The following ANAPC13 variants were observed in gnomAD, a reference collection of about 807,000 sequenced individuals.
The protein encoded by ANAPC13 is anaphase-promoting complex subunit 13.
ANAPC13 carries 9 observed loss-of-function variants against 9.6 expected under a neutral mutation model. The observed-to-expected ratio is 0.94, with a 90% CI of 0.57 to 1.64. The LOEUF (loss-of-function observed/expected upper bound fraction) is 1.64. ANAPC13 is among the 40% of genes most tolerant of loss of function. The pLI is 0.00. For missense variants in ANAPC13, 75 were observed against 85.3 expected (o/e 0.88, Z 0.48); for synonymous variants, 30 against 29.7 (o/e 1.01, Z -0.03).
chr3:134,479,494 T>C (rs989997859), intron 2 of ANAPC13, among the ~76,000 whole-genome samples: 2 of 152,078 alleles, frequency 1.3e-5, no homozygotes, highest in Non-Finnish European at 1.5e-5. Flanking sequence ...TGCACCACCA[T>C]GCCCGGCTAA....
chr3:134,482,644 T>A, intron 2 of ANAPC13, 162 bp downstream of exon 2: 1 of 660,482 alleles, frequency 1.5e-6, no homozygotes, highest in Non-Finnish European at 2.6e-6. Context: ...TTTCTTCAAA[T>A]AAAACATACA....
At chr3:134,483,088 C>G in intron 1 of ANAPC13, 157 bp from the exon 2 acceptor site, 1 of 612,250 alleles carries the variant, frequency 1.6e-6, no homozygotes, top group Non-Finnish European at 2.9e-6. Context: ...CAGTTCCTCT[C>G]TCCAACCCCA....
intron 2 of ANAPC13, among the ~76,000 whole-genome samples, chr3:134,479,672 A>G (rs1327622610): frequency 6.6e-6 from 1 of 152,192 alleles, no homozygotes; most frequent in Non-Finnish European, 1.5e-5. Context: ...TTATAATAAA[A>G]ATGGAGGTAG....
intron 2 of ANAPC13, among the ~76,000 whole-genome samples, chr3:134,480,563 C>T (rs540844674): frequency 5.1e-4 from 78 of 152,226 alleles, no homozygotes; most frequent in Admixed American, 1.1e-3. Flanking sequence ...TGGGCCAGTT[C>T]TTGGCCTAAG....
In ANAPC13 at chr3:134,482,945, A is replaced by C. The variant is rs1934772086; in HGVS notation, c.-27-14T>G. 3.9e-6 allele frequency: 6 copies of C among 1,526,054 alleles called. No homozygotes were observed. In the African/African-American group the frequency reaches 6.8e-5, roughly 17 times the overall value. The allele number at this position is 1,526,054 out of a possible 1,614,324, so 94.5% of individuals were successfully genotyped here. The stretch of plus-strand genomic sequence containing the variant: ...ATCTTGTCAAATCTGTAAGCCAAAG[A>C]GGTTATTTCTTAAACACGAAGACTG... On this transcript the variant is annotated splice_polypyrimidine_tract_variant and intron_variant, in intron 1 of 2. Coordinates refer to ENST00000354910, the MANE Select transcript of ANAPC13 (RefSeq NM_015391.4).
chr3:134,485,991 G>GCCCCCCCCCC (rs5852785), upstream of ANAPC13: 307 of 940,082 alleles, frequency 3.3e-4, 3 homozygotes, highest in African/African-American at 2.9e-3. Context: ...CTCCTGCCAC[G>GCCCCCCCCCC]CCCCCCCCCC....
At chr3:134,483,362 A>T in intron 1 of ANAPC13, 5 of 161,176 alleles carry the variant, frequency 3.1e-5, no homozygotes, top group Non-Finnish European at 6.8e-5. Context: ...CACAGGAGTC[A>T]CACGAACATA....
intron 1 of ANAPC13, among the ~76,000 whole-genome samples, chr3:134,484,925 G>A (rs1295391875): frequency 6.6e-6 from 1 of 152,168 alleles, no homozygotes; most frequent in Non-Finnish European, 1.5e-5. Flanking sequence ...AATTGCTCAG[G>A]TATTATTGCC....
In ANAPC13 at chr3:134,478,611, A is replaced by G. The variant is rs1277910055; in HGVS notation, c.204T>C (p.Asn68=). The part of the protein sequence containing the change: ...TDLALQYLHE[N]VPPIGN ...AGCGTCAGTTTCCAATGGGGGGAAC[A>G]TTCTCATGGAGGTACTGTAAGGCTA... Residue 68 remains asparagine, a synonymous_variant, in exon 3 of 3, where the codon AAT becomes AAC. Coordinates refer to ENST00000354910, the MANE Select transcript of ANAPC13 (RefSeq NM_015391.4). The G allele has an allele frequency of 1.2e-6, 2 of 1,613,708 alleles. No homozygotes were observed. The highest frequency in any genetic ancestry group is 1.7e-6 in the Non-Finnish European group (2 of 1,179,956).
chr3:134,478,833 G>C, intron 2 of ANAPC13, 118 bp from the exon 3 acceptor site: 2 of 1,167,650 alleles, frequency 1.7e-6, no homozygotes, highest in Non-Finnish European at 2.4e-6. Flanking sequence ...ATTGATATGT[G>C]TATTCTAAAA....
Position 134,478,636 on chromosome 3 carries a change from A to G in ANAPC13, c.179T>C (p.Leu60Ser), listed in dbSNP as rs1409002766. The G allele has an allele frequency of 6.2e-7, 1 of 1,614,142 alleles. No individual in the cohort carries two copies. Among genetic ancestry groups the G allele is most frequent in the South Asian group, 1.1e-5 (1 of 91,084 alleles). The change falls in exon 3 of 3, where the codon TTA becomes TCA. Residue 60 changes from leucine to serine, a missense_variant. Physicochemically the swap from Leu to Ser is moderately radical, Grantham distance 145. Coordinates refer to ENST00000354910, the MANE Select transcript of ANAPC13 (RefSeq NM_015391.4). Reference protein sequence around the residue: ...VKEQEMKWTDLALQYLHENVP... With the variant: ...VKEQEMKWTDSALQYLHENVP... ...ATTCTCATGGAGGTACTGTAAGGCT[A>G]AGTCTGTCCACTTCATTTCTTGTTC...
chr3:134,485,834 C>T, intron 1 of ANAPC13, 118 bp downstream of exon 1: 1 of 293,330 alleles, frequency 3.4e-6, no homozygotes, highest in Non-Finnish European at 5.1e-6. Context: ...TAAAGAAAAA[C>T]GGTTATGAGC....
In ANAPC13 at chr3:134,478,383, T is replaced by G. The variant is rs1934658586; in HGVS notation, c.*207A>C. 1.6e-6 allele frequency: 1 copy of G among 610,518 alleles called. No individual in the cohort carries two copies. The highest frequency in any genetic ancestry group is 1.9e-5 in the African/African-American group (1 of 53,978). The allele number at this position is 610,518 out of a possible 1,614,324, so 37.8% of individuals were successfully genotyped here. The stretch of plus-strand genomic sequence containing the variant: ...AATATAAGCTACTCAATGAAGAGTT[T>G]TAGGTTTAAAGAGCGAAATATTCAC... On this transcript the variant is annotated 3_prime_UTR_variant, in exon 3 of 3. Transcript: ENST00000354910.
chr3:134,479,641 G>A (rs1226949966), intron 2 of ANAPC13, among the ~76,000 whole-genome samples: 3 of 152,118 alleles, frequency 2.0e-5, no homozygotes, highest in African/African-American at 7.2e-5. Context: ...GAGCCACCGC[G>A]CCTGGCCCAA....
chr3:134,479,367 T>C (rs558736114), intron 2 of ANAPC13, among the ~76,000 whole-genome samples: 60 of 152,268 alleles, frequency 3.9e-4, no homozygotes, highest in African/African-American at 1.4e-3. Context: ...GATGGAGTTT[T>C]GCTTTTGTTG....
At chr3:134,482,995 G>A in intron 1 of ANAPC13, 64 bp from the exon 2 acceptor site, 1 of 1,122,106 alleles carries the variant, frequency 8.9e-7, no homozygotes, top group South Asian at 1.3e-5. Context: ...TCCACTATTA[G>A]GATTCTCCAG....
chr3:134,485,991 G>GGGCCCCCCCC, upstream of ANAPC13: 2 of 938,168 alleles, frequency 2.1e-6, no homozygotes, highest in Non-Finnish European at 2.5e-6. Flanking sequence ...CTCCTGCCAC[G>GGGCCCCCCCC]CCCCCCCCCC....
chr3:134,483,847 C>A (rs567977865), intron 1 of ANAPC13, among the ~76,000 whole-genome samples: 1 of 152,246 alleles, frequency 6.6e-6, no homozygotes, highest in East Asian at 1.9e-4. Context: ...GGTGGTGGAG[C>A]GGGGTGGAAC....
chr3:134,482,984 A>C, intron 1 of ANAPC13, 53 bp from the exon 2 acceptor site: 1 of 1,214,658 alleles, frequency 8.2e-7, no homozygotes, highest in Non-Finnish European at 1.2e-6. Flanking sequence ...AGATGGTATA[A>C]TCCACTATTA....
Sources: gnomAD v4.1 joint callset for allele counts (sites outside exome capture counted in the v4.1 genomes callset) on GRCh38, gnomAD v4.1.1 for gene constraint, MANE v1.5 for transcripts, NCBI Gene and HGNC (gene_info 2026-07-23, HGNC 2026-07-21) for gene names.